Variants in KDM4B observed in about 807,000 individuals in gnomAD.
The protein encoded by KDM4B is lysine-specific demethylase 4B.
In KDM4B, 32 loss-of-function variants were observed where a neutral mutation model predicts 125.2. That is an observed-to-expected ratio of 0.26 (90% CI 0.19 to 0.34). KDM4B has a LOEUF of 0.34. Among genes scored for constraint, KDM4B ranks in the 10% least tolerant of loss-of-function variants. The probability of loss-of-function intolerance (pLI) is 1.00; values close to 1 mark genes in which losing one functional copy is unlikely to be tolerated. For missense variants in KDM4B, 1,190 were observed against 1,577.7 expected (o/e 0.75, Z 4.16); for synonymous variants, 721 against 677.9 (o/e 1.06, Z -0.99).
chr19:4,996,465 C>T (rs1375570592), intron 1 of KDM4B, among the ~76,000 whole-genome samples: 3 of 152,146 alleles, frequency 2.0e-5, no homozygotes, highest in Non-Finnish European at 4.4e-5. Context: ...GCCTCAGCCC[C>T]CTGGGCTCAA....
Position 5,035,878 on chromosome 19 carries a change from T to C in KDM4B, c.141+2847T>C, listed in dbSNP as rs865841139. On this transcript the variant is annotated intron_variant, in intron 3 of 22. Transcript: ENST00000159111. The surrounding 1 kb of genome is among the most constrained non-coding windows in gnomAD (Gnocchi z 5.3). ...GCACGTGTCTCTGTGTGTGTGTGTG[T>C]GTGCGCGCGCGCGCGCGCCTGCGCG... Among the ~76,000 whole-genome samples, 1 of 97,004 alleles carries C rather than the reference T, an allele frequency of 1.0e-5. No individual in the cohort carries two copies. The highest frequency in any genetic ancestry group is 3.7e-4 in the South Asian group (1 of 2,738). The allele number at this position is 97,004 out of a possible 152,430, so 63.6% of individuals were successfully genotyped here.
intron 1 of KDM4B, among the ~76,000 whole-genome samples, chr19:4,979,527 C>G (rs1035141298): frequency 1.6e-4 from 25 of 152,296 alleles, no homozygotes; most frequent in African/African-American, 5.5e-4. Context: ...CACCCAGGCT[C>G]TGGGGTGTCT....
intron 1 of KDM4B, among the ~76,000 whole-genome samples, chr19:5,004,130 A>G (rs150730445): frequency 6.6e-6 from 1 of 152,304 alleles, no homozygotes; most frequent in Non-Finnish European, 1.5e-5. Context: ...AGGGCGGTGG[A>G]TGGCGTGTGT....
intron 9 of KDM4B, among the ~76,000 whole-genome samples, chr19:5,090,713 C>T (rs1243553662): frequency 7.1e-6 from 1 of 140,118 alleles, no homozygotes; most frequent in Non-Finnish European, 1.6e-5. Flanking sequence ...GGCCTTGTCA[C>T]CTTGGGAGGA....
At chr19:5,146,764 C>G (rs959328276) in intron 21 of KDM4B, among the ~76,000 whole-genome samples, 1 of 139,688 alleles carries the variant, frequency 7.2e-6, no homozygotes, top group African/African-American at 2.6e-5. Context: ...CCCCCCCCCC[C>G]CACAATCTCT....
At chr19:5,026,554 C>T (rs973442563) in intron 2 of KDM4B, among the ~76,000 whole-genome samples, 29 of 152,220 alleles carry the variant, frequency 1.9e-4, no homozygotes, top group East Asian at 9.7e-4. Context: ...GATTGGGCCC[C>T]GTCTCGTCCC....
intron 3 of KDM4B, among the ~76,000 whole-genome samples, chr19:5,036,083 G>A (rs1346532249): frequency 6.6e-6 from 1 of 152,176 alleles, no homozygotes; most frequent in Non-Finnish European, 1.5e-5. Context: ...CCAAATGGGG[G>A]GCCCTTGGCT....
At chr19:5,109,626 C>T (rs1408036925) in intron 9 of KDM4B, among the ~76,000 whole-genome samples, 1 of 152,212 alleles carries the variant, frequency 6.6e-6, no homozygotes, top group East Asian at 1.9e-4. Flanking sequence ...AAGCCGGCTG[C>T]AGCACATGGC....
intron 21 of KDM4B, among the ~76,000 whole-genome samples, chr19:5,149,899 TG>T (rs1204949932): frequency 6.6e-6 from 1 of 152,218 alleles, no homozygotes; most frequent in Non-Finnish European, 1.5e-5. Context: ...ACCTTCTGGT[TG>T]GGGGCTCCTG....
rs2039321168 is a variant in KDM4B at position 5,119,542 on chromosome 19, G to T, written c.1116-111G>T. 2.8e-6 allele frequency: 3 copies of T among 1,071,042 alleles called. No individual in the cohort carries two copies. In the East Asian group the frequency reaches 7.8e-5, roughly 28 times the overall value. The allele number at this position is 1,071,042 out of a possible 1,614,324, so 66.3% of individuals were successfully genotyped here. On this transcript the variant is annotated intron_variant, in intron 10 of 22. Transcript: ENST00000159111. ...CCAGCCAGGAGGCCCCCTGCTCATG[G>T]AGCGCTCTTCTGGGGGTGGGCGGGG...
intron 9 of KDM4B, among the ~76,000 whole-genome samples, chr19:5,087,965 G>A (rs765697270): frequency 6.6e-6 from 1 of 152,208 alleles, no homozygotes; most frequent in African/African-American, 2.4e-5. Context: ...AGTCTCCTGT[G>A]TAGGAATCTC....
At chr19:4,988,888 A>C (rs990541365) in intron 1 of KDM4B, among the ~76,000 whole-genome samples, 2 of 152,060 alleles carry the variant, frequency 1.3e-5, no homozygotes, top group African/African-American at 4.8e-5. Context: ...CTTCAGCCAC[A>C]TGCCCCTCCC....
intron 11 of KDM4B, among the ~76,000 whole-genome samples, chr19:5,130,367 G>T (rs183995392): frequency 6.6e-6 from 1 of 151,874 alleles, no homozygotes; most frequent in Admixed American, 6.6e-5. Context: ...CTGCAAACCC[G>T]TCCTGGCCCC....
intron 6 of KDM4B, among the ~76,000 whole-genome samples, chr19:5,057,075 CG>C (rs1679596086): frequency 2.0e-5 from 3 of 148,842 alleles, no homozygotes; most frequent in African/African-American, 7.7e-5. Flanking sequence ...TGCGCGCGCG[CG>C]CGTATGTTAG....
intron 6 of KDM4B, among the ~76,000 whole-genome samples, chr19:5,052,259 C>T (rs1030425131): frequency 3.3e-5 from 5 of 151,880 alleles, no homozygotes; most frequent in African/African-American, 9.7e-5. Context: ...CAGGCATAGC[C>T]GTCTTTTGCT....
At chr19:5,119,049 C>G in intron 10 of KDM4B, 1 of 959,374 alleles carries the variant, frequency 1.0e-6, no homozygotes, top group Admixed American at 2.1e-5. Context: ...AGCCAGGTGG[C>G]CAGGACCAGG....
chr19:5,075,661 T>C (rs2038082494), intron 7 of KDM4B: 1 of 152,166 alleles, frequency 6.6e-6, no homozygotes, highest in African/African-American at 2.4e-5. Context: ...GAGTGCCTGT[T>C]TCCCAGGCGC....
intron 9 of KDM4B, among the ~76,000 whole-genome samples, chr19:5,090,418 CCCTCT>C (rs2038661956): frequency 5.9e-5 from 5 of 84,542 alleles, no homozygotes; most frequent in African/African-American, 2.5e-4. Context: ...CCCCCTCTCC[CCCTCT>C]GTCTCTCTCT....
At chr19:5,047,247 T>C in intron 5 of KDM4B, 1 of 500,808 alleles carries the variant, frequency 2.0e-6, no homozygotes, top group Non-Finnish European at 3.5e-6. Context: ...GAGGCTGCAG[T>C]GAGCTATGAT....
Sources: gnomAD v4.1 joint callset for allele counts (sites outside exome capture counted in the v4.1 genomes callset) on GRCh38, gnomAD v4.1.1 for gene constraint, Gnocchi (gnomAD v3.1) non-coding constraint, MANE v1.5 for transcripts, NCBI Gene and HGNC (gene_info 2026-07-23, HGNC 2026-07-21) for gene names.